RNF39: variants seen among roughly 807,000 people sequenced by gnomAD.
The protein encoded by RNF39 is ring finger protein 39, also known as LTP (long-term potentiation) induced RING finger protein.
A neutral mutation model predicts 29.2 loss-of-function variants in RNF39; 25 were observed. That is an observed-to-expected ratio of 0.86 (90% CI 0.62 to 1.20). RNF39 has a LOEUF of 1.20. Among genes scored for constraint, RNF39 ranks in the 50% most tolerant of loss-of-function variants. RNF39 has a pLI of 0.00. For missense variants in RNF39, 519 were observed against 515.0 expected, an observed-to-expected ratio of 1.01 and a Z score of -0.08; for synonymous variants, 219 against 229.0, an observed-to-expected ratio of 0.96 and a Z score of 0.40.
At chr6:30,073,121 C>G in intron 3 of RNF39, 36 bp downstream of exon 3, 1 of 1,382,720 alleles carries the variant, frequency 7.2e-7, no homozygotes, top group Non-Finnish European at 1.0e-6. Context: ...CACAGACTTT[C>G]ATTCAATTCC....
At position 30,075,266 on chromosome 6, in the gene RNF39, C is replaced by G. The variant is rs758025828; in HGVS notation, c.320G>C (p.Gly107Ala). ...GCAGCCCATGGTGGGGATGCGCCCC[C>G]CTCGGCGTCTCCCCGCACGGGCCCC... Reference protein sequence around the residue: ...EPGARAGRRRGGRIPTMGCLD... With the variant: ...EPGARAGRRRAGRIPTMGCLD... The change falls in exon 1 of 4, where the codon GGG becomes GCG. Residue 107 changes from glycine (G) to alanine (A), a missense_variant. Coordinates refer to ENST00000244360, the MANE Select transcript of RNF39 (RefSeq NM_025236.4). 3.5e-5 allele frequency: 56 copies of G among 1,599,450 alleles called. No individual in the cohort carries two copies. The highest frequency in any genetic ancestry group is 4.0e-5 in the Non-Finnish European group (47 of 1,176,794).
At position 30,071,399 on chromosome 6, in the gene RNF39, G is replaced by T. The variant is rs746043640; in HGVS notation, c.771C>A (p.Cys257Ter). 1 of 1,486,432 alleles carries T rather than the reference G, an allele frequency of 6.7e-7. No individual in the cohort carries two copies. Among genetic ancestry groups the T allele is most frequent in the East Asian group, 2.5e-5 (1 of 40,704 alleles). 92.1% of individuals were successfully genotyped at this position (1,486,432 alleles called of 1,614,324 possible). Residue 257 changes from cysteine (C) to a stop codon, truncating the protein, a stop_gained, in exon 4 of 4, where the codon TGC becomes TGA. Coordinates refer to ENST00000244360, the MANE Select transcript of RNF39 (RefSeq NM_025236.4). LOFTEE classifies it high-confidence loss of function. This position sits in a 1 kb window ranked among gnomAD's most constrained non-coding sequence, Gnocchi z 5.0. ...AAGESVQRKG[C>*]VRLCPAGAVW... ...CGGCCCCCGCAGGGCACAGCCTTAC[G>T]CAGCCCTTGCGTTGCACTGATTCCC...
In RNF39 at chr6:30,073,208, C is replaced by T. The variant is rs753952630; in HGVS notation, c.427G>A (p.Asp143Asn). 1.2e-6 allele frequency: 2 copies of T among 1,612,966 alleles called. No homozygotes were observed. Among genetic ancestry groups the T allele is most frequent in the South Asian group, 2.2e-5 (2 of 91,044 alleles). Residue 143 changes from aspartate (D) to asparagine (N), a missense_variant, in exon 3 of 4, where the codon GAT becomes AAT. Asp to Asn is a conservative substitution (Grantham distance 23, BLOSUM62 1). Transcript: ENST00000244360. The stretch of plus-strand genomic sequence containing the variant: ...ACCACTGGATAATCTTCAGGGAGAT[C>T]ATCCTCTGAATTAGATGACTTGGAT... ...PTSKSSNSED[D>N]LPEDYPVVKK...
chr6:30,075,375 G>C lies in RNF39; in HGVS notation c.211C>G (p.Pro71Ala). The stretch of plus-strand genomic sequence containing the variant: ...ACATTAGACCTCAGGCTGCGGCGGG[G>C]ACACGGCAGGCCGCAGCAGGGACAG... ...TACPCCGLPC[P>A]RRSLRSNVRL... The change falls in exon 1 of 4, where the codon CCC becomes GCC. Residue 71 changes from proline (P) to alanine (A), a missense_variant. Physicochemically the swap from Pro to Ala is conservative, Grantham distance 27. Transcript: ENST00000244360. 3 of 1,573,214 alleles carry C rather than the reference G, an allele frequency of 1.9e-6. No individual in the cohort carries two copies. Among genetic ancestry groups the C allele is most frequent in the Non-Finnish European group, 2.6e-6 (3 of 1,162,578 alleles).
rs774601511 is a variant in RNF39 at position 30,071,186 on chromosome 6, C to A, written c.984G>T (p.Leu328=). The A allele has an allele frequency of 1.8e-5, 27 of 1,521,358 alleles. No individual in the cohort carries two copies. Among genetic ancestry groups the A allele is most frequent in the South Asian group, 4.0e-5 (3 of 74,712 alleles). 94.2% of individuals were successfully genotyped at this position (1,521,358 alleles called of 1,614,324 possible). A position where few individuals can be genotyped will look rare whatever the true frequency, so the allele number is the denominator to read the frequency against. The change falls in exon 4 of 4, where the codon CTG becomes CTT. Residue 328 remains leucine, a synonymous_variant. Transcript: ENST00000244360. This position sits in a 1 kb window ranked among gnomAD's most constrained non-coding sequence, Gnocchi z 5.0. The part of the protein sequence containing the change: ...LLYAFQAPGP[L]GERIFPLFCT... The stretch of plus-strand genomic sequence containing the variant: ...AGAACAGCGGGAAGATGCGCTCCCC[C>A]AGGGGGCCAGGCGCCTGGAAGGCGT...
chr6:30,071,792 A>T lies in RNF39; in HGVS notation c.479-101T>A. On this transcript the variant is annotated intron_variant, in intron 3 of 3. Transcript: ENST00000244360. The surrounding 1 kb of genome is among the most constrained non-coding windows in gnomAD (Gnocchi z 5.0). ...TCAACGAAGATCACGTAAAAGACTG[A>T]GAGCTAGTGACCACACAACAGCTCA... The T allele has an allele frequency of 9.9e-7, 1 of 1,011,234 alleles. No homozygotes were observed. Among genetic ancestry groups the T allele is most frequent in the Non-Finnish European group, 1.3e-6 (1 of 760,690 alleles). 62.6% of individuals were successfully genotyped at this position (1,011,234 alleles called of 1,614,324 possible). A position where few individuals can be genotyped will look rare whatever the true frequency, so the allele number is the denominator to read the frequency against.
At chr6:30,073,649 T>TCCTCCTTCACCTTTCATGATC (rs1766174622) in intron 1 of RNF39, among the ~76,000 whole-genome samples, 171 bp from the exon 2 acceptor site, 1 of 151,866 alleles carries the variant, frequency 6.6e-6, no homozygotes, top group African/African-American at 2.4e-5. Context: ...CCTCTCATTC[T>TCCTCCTTCACCTTTCATGATC]CCTCCTTCAC....
chr6:30,073,448 G>A lies in RNF39; in HGVS notation c.386+8C>T. Reference sequence around the variant, plus strand: ...GAGAAAAGGAGGGAACAGAAAAGTGGAACTCACCGTCTCCATGTCTTCCTC... The same window carrying A: ...GAGAAAAGGAGGGAACAGAAAAGTGAAACTCACCGTCTCCATGTCTTCCTC... On this transcript the variant is annotated splice_region_variant and intron_variant, in intron 2 of 3. Transcript: ENST00000244360. 1 of 1,614,134 alleles carries A rather than the reference G, an allele frequency of 6.2e-7. No homozygotes were observed. Among genetic ancestry groups the A allele is most frequent in the Non-Finnish European group, 8.5e-7 (1 of 1,179,998 alleles).
In RNF39 at chr6:30,073,337, G is replaced by A. The variant is rs1355745836; in HGVS notation, c.387-89C>T. 4.0e-6 allele frequency: 6 copies of A among 1,509,032 alleles called. No homozygotes were observed. In the Middle Eastern group the frequency reaches 5.1e-4, roughly 129 times the overall value. 93.5% of individuals were successfully genotyped at this position (1,509,032 alleles called of 1,614,324 possible). On this transcript the variant is annotated intron_variant, in intron 2 of 3. Transcript: ENST00000244360. The stretch of plus-strand genomic sequence containing the variant: ...CCACTCACATCTCTGGAGGAAGAAG[G>A]GATGAGACTATACCCCAGAAAACCT...
chr6:30,075,138 C>T (rs1425480050), intron 1 of RNF39, 85 bp downstream of exon 1: 25 of 1,374,744 alleles, frequency 1.8e-5, no homozygotes, highest in Non-Finnish European at 2.3e-5. Flanking sequence ...TTCCACAGGG[C>T]CTCCGGCTCC....
At chr6:30,073,364 C>A in intron 2 of RNF39, 92 bp downstream of exon 2, 1 of 1,574,728 alleles carries the variant, frequency 6.4e-7, no homozygotes, top group Non-Finnish European at 8.7e-7. Context: ...AGAAAACCTG[C>A]CTATTAATGG....
rs1025484682 is a variant in RNF39, at chr6:30,070,679, C to T, written c.*432G>A. Reference sequence around the variant, plus strand: ...ACCTCAGTGGACAGGCAGGGTAGCCCAGTCCTTAGATCTGTGGGGAAGGCC... The same window carrying T: ...ACCTCAGTGGACAGGCAGGGTAGCCTAGTCCTTAGATCTGTGGGGAAGGCC... On this transcript the variant is annotated 3_prime_UTR_variant, in exon 4 of 4. Coordinates refer to ENST00000244360, the MANE Select transcript of RNF39 (RefSeq NM_025236.4). The T allele has an allele frequency of 2.6e-6, 1 of 383,684 alleles. No homozygotes were observed. The highest frequency in any genetic ancestry group is 3.3e-5 in the Admixed American group (1 of 30,524). The allele number at this position is 383,684 out of a possible 1,614,324, so 23.8% of individuals were successfully genotyped here.
rs1765911861 is a variant in RNF39 at position 30,071,110 on chromosome 6, C to G, written c.*1G>C. ...GCCAAACTTCTAGTTGGAGACGAGACTCAGCTTTCCGCTGGTACAATGCGG... is the reference window on the plus strand; with the variant it reads ...GCCAAACTTCTAGTTGGAGACGAGAGTCAGCTTTCCGCTGGTACAATGCGG... On this transcript the variant is annotated 3_prime_UTR_variant, in exon 4 of 4. Coordinates refer to ENST00000244360, the MANE Select transcript of RNF39 (RefSeq NM_025236.4). The surrounding 1 kb of genome is among the most constrained non-coding windows in gnomAD (Gnocchi z 5.0). 1 of 1,555,338 alleles carries G rather than the reference C, an allele frequency of 6.4e-7. No individual in the cohort carries two copies. The highest frequency in any genetic ancestry group is 8.7e-7 in the Non-Finnish European group (1 of 1,150,058).
chr6:30,075,424 G>C lies in RNF39; in HGVS notation c.162C>G (p.Thr54=), dbSNP rs1033994302. 6.4e-7 allele frequency: 1 copy of C among 1,553,574 alleles called. No individual in the cohort carries two copies. Among genetic ancestry groups the C allele is most frequent in the East Asian group, 2.4e-5 (1 of 41,726 alleles). The part of the protein sequence containing the change: ...LARRWGTPPA[T]GTEASPTACP... ...AGGCGGTGGGGGAAGCCTCGGTGCC[G>C]GTCGCCGGCGGAGTCCCCCAGCGGC... The change falls in exon 1 of 4, where the codon ACC becomes ACG. Residue 54 remains threonine, a synonymous_variant. Coordinates refer to ENST00000244360, the MANE Select transcript of RNF39 (RefSeq NM_025236.4).
At position 30,071,448 on chromosome 6, in the gene RNF39, C is replaced by G; in HGVS notation, c.722G>C (p.Ser241Thr). 4 of 1,552,830 alleles carry G rather than the reference C, an allele frequency of 2.6e-6. No individual in the cohort carries two copies. Among genetic ancestry groups the G allele is most frequent in the Non-Finnish European group, 3.5e-6 (4 of 1,157,326 alleles). The change falls in exon 4 of 4, where the codon AGC (serine) becomes ACC (threonine). Residue 241 changes from serine to threonine, a missense_variant. By Grantham distance (58) the Ser-to-Thr change is moderately conservative. Coordinates refer to ENST00000244360, the MANE Select transcript of RNF39 (RefSeq NM_025236.4). The surrounding 1 kb of genome is among the most constrained non-coding windows in gnomAD (Gnocchi z 5.0). ...CCCGGCCGCGCCCACTGCATAGTGG[C>G]TCTCCTCGTCGTCCGCATCCTCCCC... ...SSGEDADDEE[S>T]HYAVGAAGES...
rs200705517 is a variant in RNF39, at chr6:30,071,298, T to C, written c.872A>G (p.Glu291Gly). Residue 291 changes from glutamate to glycine, a missense_variant, in exon 4 of 4, where the codon GAG becomes GGG. Coordinates refer to ENST00000244360, the MANE Select transcript of RNF39 (RefSeq NM_025236.4). This position sits in a 1 kb window ranked among gnomAD's most constrained non-coding sequence, Gnocchi z 5.0. Reference protein sequence around the residue: ...APEPTLLGGVEPPPRRIRVDL... With the variant: ...APEPTLLGGVGPPPRRIRVDL... ...CACGCGAATGCGCCGCGGCGGGGGCTCAACACCGCCCAGCAGGGTGGGTTC... is the reference window on the plus strand; with the variant it reads ...CACGCGAATGCGCCGCGGCGGGGGCCCAACACCGCCCAGCAGGGTGGGTTC... 3,852 of 1,500,426 alleles carry C rather than the reference T, an allele frequency of 2.6e-3. 21 individuals are homozygous for C. Among genetic ancestry groups the C allele is most frequent in the Middle Eastern group, 0.015 (83 of 5,528 alleles). 92.9% of individuals were successfully genotyped at this position (1,500,426 alleles called of 1,614,324 possible).
rs1461349050 is a variant in RNF39, at chr6:30,072,349, A to G, written c.479-658T>C. Among the ~76,000 whole-genome samples, 1 of 152,102 alleles carries G rather than the reference A, an allele frequency of 6.6e-6. No homozygotes were observed. Among genetic ancestry groups the G allele is most frequent in the Non-Finnish European group, 1.5e-5 (1 of 68,014 alleles). On this transcript the variant is annotated intron_variant, in intron 3 of 3. Transcript: ENST00000244360. This position sits in a 1 kb window ranked among gnomAD's most constrained non-coding sequence, Gnocchi z 4.5. Reference sequence around the variant, plus strand: ...TGCTTTGAAGAAAAATTTCTGGATTAGGGGTGTCAGAAGCAATCTGGACTG... The same window carrying G: ...TGCTTTGAAGAAAAATTTCTGGATTGGGGGTGTCAGAAGCAATCTGGACTG...
chr6:30,071,639 G>C lies in RNF39; in HGVS notation c.531C>G (p.Ala177=). The C allele has an allele frequency of 7.0e-7, 1 of 1,434,650 alleles. No individual in the cohort carries two copies. The highest frequency in any genetic ancestry group is 9.1e-7 in the Non-Finnish European group (1 of 1,100,934). 88.9% of individuals were successfully genotyped at this position (1,434,650 alleles called of 1,614,324 possible). A position where few individuals can be genotyped will look rare whatever the true frequency, so the allele number is the denominator to read the frequency against. The change falls in exon 4 of 4, where the codon GCC becomes GCG. Residue 177 remains alanine, a synonymous_variant. Transcript: ENST00000244360. The surrounding 1 kb of genome is among the most constrained non-coding windows in gnomAD (Gnocchi z 5.0). The stretch of plus-strand genomic sequence containing the variant: ...GGGCCAGTTGTACGCTGCGGCGGTC[G>C]GCGGAGATGAGCAGGCGGCGGTGTG... The part of the protein sequence containing the change: ...GTAHRRLLIS[A]DRRSVQLAPP...
chr6:30,075,658 G>C lies in RNF39; in HGVS notation c.-73C>G. On this transcript the variant is annotated 5_prime_UTR_variant, in exon 1 of 4. Transcript: ENST00000244360. The stretch of plus-strand genomic sequence containing the variant: ...CCTTCGAGCGCGCAGATGGCGGGCC[G>C]CCCCTGCTGCTTGCTGTGTAGATGC... The C allele has an allele frequency of 6.2e-7, 1 of 1,613,088 alleles. No individual in the cohort carries two copies. The highest frequency in any genetic ancestry group is 8.5e-7 in the Non-Finnish European group (1 of 1,179,916).
Sources: allele counts gnomAD v4.1 joint callset (sites outside exome capture counted in the v4.1 genomes callset), GRCh38; gene constraint gnomAD v4.1.1; non-coding constraint Gnocchi (gnomAD v3.1); transcripts MANE v1.5; gene names NCBI Gene and HGNC (gene_info 2026-07-23, HGNC 2026-07-21).